The following ZNF695 variants were observed in gnomAD, a reference collection of about 807,000 sequenced individuals.
The protein encoded by ZNF695 is zinc finger protein 695, also known as zinc finger protein SBZF3.
In ZNF695, 11 loss-of-function variants were observed where a neutral mutation model predicts 11.2. The ratio of observed to expected loss-of-function variants is 0.98; its 90% CI spans 0.62 to 1.62. The LOEUF (loss-of-function observed/expected upper bound fraction) is 1.62. Ranked by LOEUF, ZNF695 falls within the 40% of genes most tolerant of loss-of-function variation. ZNF695 has a pLI of 0.00. For missense variants in ZNF695, 559 were observed against 590.5 expected (o/e 0.95, Z 0.55); for synonymous variants, 190 against 201.4 (o/e 0.94, Z 0.48).
In ZNF695 at chr1:246,986,747, TGTACA is replaced by T; in HGVS notation, c.*215_*219del. On this transcript the variant is annotated 3_prime_UTR_variant, in exon 4 of 4. Coordinates refer to ENST00000339986, the MANE Select transcript of ZNF695 (RefSeq NM_020394.5). ...TTTCCCTCCAGTATAAATTCTTCTG[TGTACA>T]GTAAGAGCTGTGATATAAGTGGAGG... The T allele has an allele frequency of 7.9e-7, 1 of 1,272,008 alleles. No homozygotes were observed. Among genetic ancestry groups the T allele is most frequent in the East Asian group, 3.0e-5 (1 of 32,944 alleles). The allele number at this position is 1,272,008 out of a possible 1,614,324, so 78.8% of individuals were successfully genotyped here. A position where few individuals can be genotyped will look rare whatever the true frequency, so the allele number is the denominator to read the frequency against.
At chr1:246,946,890 C>T (rs1427687991) in intron 5 of ZNF695, among the ~76,000 whole-genome samples, 2 of 152,036 alleles carry the variant, frequency 1.3e-5, no homozygotes, top group Non-Finnish European at 2.9e-5. Flanking sequence ...GCCTGTAATC[C>T]CAGCACTTTG....
chr1:246,949,733 C>T (rs1667826239), intron 5 of ZNF695, among the ~76,000 whole-genome samples: 1 of 152,128 alleles, frequency 6.6e-6, no homozygotes, highest in Non-Finnish European at 1.5e-5. Flanking sequence ...CTTCCCCACG[C>T]CTTCTTGTTA....
rs781633645 is a variant in ZNF695 at position 247,000,035 on chromosome 1, G to C, written c.43C>G (p.Pro15Ala). ...AFRDVALEFS[P>A]EEWECLDPAQ... is the part of the protein sequence containing the mutation. ...GGGTCCAGGCATTCCCACTCCTCTG[G>C]AGAGAATTCTAGAGCCACATCCCTG... Residue 15 changes from proline (P) to alanine (A), a missense_variant, in exon 2 of 4, where the codon CCA becomes GCA. Transcript: ENST00000339986. 6.2e-7 allele frequency: 1 copy of C among 1,612,466 alleles called. No individual in the cohort carries two copies. Among genetic ancestry groups the C allele is most frequent in the South Asian group, 1.1e-5 (1 of 90,646 alleles).
chr1:246,986,903 T>C lies in ZNF695; in HGVS notation c.*64A>G. The C allele has an allele frequency of 6.6e-7, 1 of 1,509,778 alleles. No homozygotes were observed. The highest frequency in any genetic ancestry group is 8.8e-7 in the Non-Finnish European group (1 of 1,132,260). The allele number at this position is 1,509,778 out of a possible 1,614,324, so 93.5% of individuals were successfully genotyped here. A position where few individuals can be genotyped will look rare whatever the true frequency, so the allele number is the denominator to read the frequency against. On this transcript the variant is annotated 3_prime_UTR_variant, in exon 4 of 4. Coordinates refer to ENST00000339986, the MANE Select transcript of ZNF695 (RefSeq NM_020394.5). ...ACACTCTTATTCAGTAAAAATATTC[T>C]GCTGTGAAGTTGTGAATAGGTATTA... is the stretch of plus-strand genomic sequence containing the variant.
intron 5 of ZNF695, among the ~76,000 whole-genome samples, chr1:246,965,596 G>A (rs1193719876): frequency 6.6e-6 from 1 of 151,892 alleles, no homozygotes; most frequent in Non-Finnish European, 1.5e-5. Flanking sequence ...AATTAGCCAG[G>A]TGTGGTCGTG....
At chr1:246,989,112 G>C (rs1328593938) in intron 3 of ZNF695, among the ~76,000 whole-genome samples, 8 of 141,282 alleles carry the variant, frequency 5.7e-5, no homozygotes, top group Non-Finnish European at 1.1e-4. Flanking sequence ...AAAAAAAAAC[G>C]ACATTAATTG....
At chr1:246,957,360 G>T (rs1668026541) in intron 5 of ZNF695, among the ~76,000 whole-genome samples, 1 of 151,136 alleles carries the variant, frequency 6.6e-6, no homozygotes, top group Admixed American at 6.6e-5. Context: ...TCCAGTCTGG[G>T]CAACACAGCG....
intron 3 of ZNF695, among the ~76,000 whole-genome samples, chr1:246,996,559 A>G (rs975852767): frequency 6.6e-6 from 1 of 152,206 alleles, no homozygotes; most frequent in African/African-American, 2.4e-5. Flanking sequence ...TAAAACCACA[A>G]TGGAATATTA....
chr1:246,988,212 G>A lies in ZNF695; in HGVS notation c.303C>T (p.Gly101=). 4 of 1,588,852 alleles carry A rather than the reference G, an allele frequency of 2.5e-6. No homozygotes were observed. Among genetic ancestry groups the A allele is most frequent in the Non-Finnish European group, 3.4e-6 (4 of 1,171,210 alleles). The change falls in exon 4 of 4, where the codon GGC becomes GGT. Residue 101 remains glycine, a synonymous_variant. Coordinates refer to ENST00000339986, the MANE Select transcript of ZNF695 (RefSeq NM_020394.5). ...YLTEDILPEQ[G]LQVSFQKVML... is the part of the protein sequence containing the mutation. ...TCACTTTTTGGAATGAAACTTGCAG[G>A]CCCTGCTCTGGCAAAATGTCTTCAG...
intron 3 of ZNF695, chr1:246,995,985 C>A: frequency 2.2e-6 from 1 of 450,180 alleles, no homozygotes; most frequent in Non-Finnish European, 4.5e-6. Flanking sequence ...CAACATTATT[C>A]ACAAAAGCTG....
rs57725090 is a variant in ZNF695 at position 246,967,484 on chromosome 1, G to A, written c.488+211C>T. 2,728 of 456,204 alleles carry A rather than the reference G, an allele frequency of 6.0e-3. 53 individuals carry two copies. Among genetic ancestry groups the A allele is most frequent in the African/African-American group, 0.047 (2,380 of 50,112 alleles). The allele number at this position is 456,204 out of a possible 1,614,324, so 28.3% of individuals were successfully genotyped here. ...TGAATGGGGGATAAAAGAGAAAAAG[G>A]GGTGACAAGGATGATGTCAAGGTTT... is the stretch of plus-strand genomic sequence containing the variant. On this transcript the variant is annotated intron_variant, in intron 5 of 5. Transcript: ENST00000487338.
intron 3 of ZNF695, among the ~76,000 whole-genome samples, chr1:246,992,469 G>T (rs922379033): frequency 6.6e-6 from 1 of 152,058 alleles, no homozygotes; most frequent in Non-Finnish European, 1.5e-5. Context: ...TAAAAAGAAT[G>T]AAAAAGACCT....
intron 4 of ZNF695, among the ~76,000 whole-genome samples, chr1:246,970,833 C>T (rs1668405486): frequency 2.0e-5 from 3 of 152,246 alleles, no homozygotes; most frequent in Admixed American, 2.0e-4. Context: ...ATGGTGCAAA[C>T]TTGGCTCACT....
chr1:246,982,114 T>C (rs1668724638), downstream of ZNF695, among the ~76,000 whole-genome samples: 1 of 151,800 alleles, frequency 6.6e-6, no homozygotes, highest in Non-Finnish European at 1.5e-5. Flanking sequence ...CTACTAAAAA[T>C]ACAAAATTAG....
intron 4 of ZNF695, among the ~76,000 whole-genome samples, chr1:246,977,003 A>G (rs1248106384): frequency 6.6e-6 from 1 of 151,458 alleles, no homozygotes; most frequent in Non-Finnish European, 1.5e-5. Context: ...TCCAAACTAC[A>G]ACAATACTTA....
intron 1 of ZNF695, 113 bp downstream of exon 1, chr1:247,007,793 C>T (rs1558323764): frequency 1.5e-6 from 2 of 1,339,610 alleles, no homozygotes; most frequent in East Asian, 5.5e-5. Context: ...CGGCCGCACA[C>T]TCCGGAGCCG....
rs187705318 is a variant in ZNF695, at chr1:246,989,241, G to A, written c.260-986C>T. Reference sequence around the variant, plus strand: ...GATTGTGGCATTGCATTCCAGCCTGGGCAACAAGAGTGAAACTTTGTCAAA... The same window carrying A: ...GATTGTGGCATTGCATTCCAGCCTGAGCAACAAGAGTGAAACTTTGTCAAA... On this transcript the variant is annotated intron_variant, in intron 3 of 3. Transcript: ENST00000339986. Among the ~76,000 whole-genome samples the A allele has an allele frequency of 1.3e-4, 20 of 152,258 alleles. No individual in the cohort carries two copies. In the East Asian group the frequency reaches 3.9e-3, roughly 29 times the overall value.
chr1:246,965,513 G>A (rs575962783), intron 5 of ZNF695, among the ~76,000 whole-genome samples: 3 of 152,076 alleles, frequency 2.0e-5, no homozygotes, highest in Non-Finnish European at 4.4e-5. Context: ...GAGGCAGGCC[G>A]ATCGCCTAAG....
downstream of ZNF695, among the ~76,000 whole-genome samples, chr1:246,984,068 C>T (rs535756643): frequency 1.6e-3 from 229 of 143,734 alleles, 2 homozygotes; most frequent in Middle Eastern, 7.5e-3. Context: ...GGGATGATTG[C>T]TTGAGTCTGG....
Sources: allele counts gnomAD v4.1 joint callset (sites outside exome capture counted in the v4.1 genomes callset), GRCh38; gene constraint gnomAD v4.1.1; transcripts MANE v1.5; gene names NCBI Gene and HGNC (gene_info 2026-07-23, HGNC 2026-07-21).